WDR27: variants seen among roughly 807,000 people sequenced by gnomAD.
The protein encoded by WDR27 is WD repeat-containing protein 27.
WDR27 carries 100 observed loss-of-function variants against 114.4 expected under a neutral mutation model. That is an observed-to-expected ratio of 0.87 (90% CI 0.74 to 1.03). The LOEUF is 1.03. Among genes scored for constraint, WDR27 ranks in the 50% least tolerant of loss-of-function variants. The probability of loss-of-function intolerance (pLI) is 0.00; values close to 1 mark genes in which losing one functional copy is unlikely to be tolerated. For missense variants in WDR27, 1,129 were observed against 1,092.9 expected, an observed-to-expected ratio of 1.03 and a Z score of -0.47; for synonymous variants, 449 against 423.1, an observed-to-expected ratio of 1.06 and a Z score of -0.75.
intron 21 of WDR27, among the ~76,000 whole-genome samples, chr6:169,621,325 CAT>C (rs1486990266): frequency 1.9e-3 from 141 of 74,508 alleles, no homozygotes; most frequent in Admixed American, 4.3e-3. Flanking sequence ...CGCATTCACA[CAT>C]ATACATACGC....
intron 22 of WDR27, among the ~76,000 whole-genome samples, chr6:169,606,066 G>A (rs866001624): frequency 2.0e-4 from 31 of 152,202 alleles, no homozygotes; most frequent in African/African-American, 7.5e-4. Flanking sequence ...TCATGACTAA[G>A]AACTCAAAAC....
chr6:169,657,537 C>T (rs1338892682), intron 13 of WDR27, among the ~76,000 whole-genome samples: 1 of 152,128 alleles, frequency 6.6e-6, no homozygotes, highest in South Asian at 2.1e-4. Context: ...AAGGCGGCTG[C>T]GGAAATGCCT....
intron 25 of WDR27, among the ~76,000 whole-genome samples, chr6:169,510,787 TAA>T (rs1207457574): frequency 6.6e-6 from 1 of 151,538 alleles, no homozygotes; most frequent in East Asian, 1.9e-4. Context: ...ATAATAATAA[TAA>T]AAAAAGACAA....
At chr6:169,520,045 A>T (rs1794176847) in intron 25 of WDR27, among the ~76,000 whole-genome samples, 1 of 152,202 alleles carries the variant, frequency 6.6e-6, no homozygotes, top group African/African-American at 2.4e-5. Context: ...GTGCCCGAAA[A>T]GAAAAATATC....
At chr6:169,464,639 A>C (rs186297328) in intron 25 of WDR27, among the ~76,000 whole-genome samples, 130 of 152,350 alleles carry the variant, frequency 8.5e-4, no homozygotes, top group South Asian at 3.9e-3. Context: ...CAAGAAGCAA[A>C]TTTGGTGTCT....
chr6:169,576,777 AAGAC>A (rs1227513168), intron 24 of WDR27, among the ~76,000 whole-genome samples: 1 of 151,418 alleles, frequency 6.6e-6, no homozygotes, highest in Admixed American at 6.6e-5. Flanking sequence ...AAAAAAAAAA[AAGAC>A]AAGAAAAGAA....
chr6:169,677,868 C>G (rs543441015), intron 2 of WDR27, among the ~76,000 whole-genome samples: 6 of 152,330 alleles, frequency 3.9e-5, no homozygotes, highest in African/African-American at 1.2e-4. Context: ...AAGCCACAGG[C>G]CTTGGTGGTT....
chr6:169,528,374 C>T (rs1278205554), intron 25 of WDR27, among the ~76,000 whole-genome samples: 1 of 152,104 alleles, frequency 6.6e-6, no homozygotes, highest in Admixed American at 6.5e-5. Flanking sequence ...ACAACTGAAA[C>T]CCTTTCTGAT....
At chr6:169,593,245 C>T (rs1305550395) in intron 23 of WDR27, among the ~76,000 whole-genome samples, 2 of 152,188 alleles carry the variant, frequency 1.3e-5, no homozygotes, top group African/African-American at 4.8e-5. Context: ...CCTGAGAAAG[C>T]ACATGGGCCT....
intron 21 of WDR27, among the ~76,000 whole-genome samples, chr6:169,620,513 G>A (rs1812859172): frequency 6.6e-6 from 1 of 152,132 alleles, no homozygotes; most frequent in Non-Finnish European, 1.5e-5. Context: ...GTATTCAGTG[G>A]AAAGCTGATC....
At chr6:169,446,408 T>A in the WDR27 span, among the ~76,000 whole-genome samples, 1 of 151,512 alleles carries the variant, frequency 6.6e-6, no homozygotes, top group Non-Finnish European at 1.5e-5. Flanking sequence ...GCAGGGAAGG[T>A]GGGCAGGGGC....
At chr6:169,454,799 A>G (rs186745129), downstream of WDR27, among the ~76,000 whole-genome samples, 231 of 152,356 alleles carry the variant, frequency 1.5e-3, no homozygotes, top group Non-Finnish European at 2.4e-3. Flanking sequence ...CGGAGACAGC[A>G]GGCTAGACAG....
rs1206665461 is a variant in WDR27 at position 169,665,481 on chromosome 6, C to G, written c.783+5G>C. 1.3e-5 allele frequency: 21 copies of G among 1,612,240 alleles called. No homozygotes were observed. The highest frequency in any genetic ancestry group is 1.7e-5 in the Non-Finnish European group (20 of 1,179,134). On this transcript the variant is annotated splice_donor_5th_base_variant and intron_variant, in intron 7 of 25. Transcript: ENST00000448612. Reference sequence around the variant, plus strand: ...AACTGGAACTTAACTCTGTGGCTGTCTCACCTGGCCGTCAGCACACCCGGT... The same window carrying G: ...AACTGGAACTTAACTCTGTGGCTGTGTCACCTGGCCGTCAGCACACCCGGT...
intron 22 of WDR27, among the ~76,000 whole-genome samples, chr6:169,609,747 A>G (rs1272855904): frequency 6.6e-6 from 1 of 152,178 alleles, no homozygotes; most frequent in Middle Eastern, 3.2e-3. Flanking sequence ...TATGTATGCA[A>G]ATTTCTGCAG....
intron 25 of WDR27, among the ~76,000 whole-genome samples, chr6:169,520,654 C>T (rs569184950): frequency 4.0e-4 from 60 of 151,578 alleles, no homozygotes; most frequent in Non-Finnish European, 6.6e-4. Context: ...CAAGGTAACA[C>T]AGAAAAGCAA....
chr6:169,662,519 A>G, intron 8 of WDR27, 95 bp from the exon 9 acceptor site: 1 of 1,483,302 alleles, frequency 6.7e-7, no homozygotes, highest in South Asian at 1.2e-5. Flanking sequence ...GCTGCAGTGA[A>G]TGTGCACCGT....
chr6:169,645,571 G>A (rs1287802959), intron 16 of WDR27, among the ~76,000 whole-genome samples: 2 of 151,636 alleles, frequency 1.3e-5, no homozygotes, highest in Non-Finnish European at 2.9e-5. Flanking sequence ...TAGTTCACAC[G>A]AGTCACGCTG....
chr6:169,444,609 G>A, the WDR27 span, among the ~76,000 whole-genome samples: 1 of 151,852 alleles, frequency 6.6e-6, no homozygotes, highest in Admixed American at 6.6e-5. Context: ...AGTGATTGGT[G>A]CCTTCACTTT....
intron 25 of WDR27, among the ~76,000 whole-genome samples, chr6:169,472,089 C>A (rs963896708): frequency 2.6e-5 from 4 of 152,164 alleles, no homozygotes; most frequent in Non-Finnish European, 4.4e-5. Flanking sequence ...CATAGCAGGT[C>A]ATGTGTTACC....
Sources: allele counts gnomAD v4.1 joint callset (sites outside exome capture counted in the v4.1 genomes callset), GRCh38; gene constraint gnomAD v4.1.1; transcripts MANE v1.5; gene names NCBI Gene and HGNC (gene_info 2026-07-23, HGNC 2026-07-21).